Variants in NPAS3 observed in about 807,000 individuals in gnomAD.
NPAS3 encodes the protein neuronal PAS domain-containing protein 3.
NPAS3 carries 14 observed loss-of-function variants against 73.1 expected under a neutral mutation model. That is an observed-to-expected ratio of 0.19 (90% CI 0.13 to 0.30). The LOEUF is 0.30. Ranked by LOEUF, NPAS3 falls within the 10% of genes least tolerant of loss-of-function variation. NPAS3 has a pLI of 1.00. For missense variants in NPAS3, 1,096 were observed against 1,250.0 expected (o/e 0.88, Z 1.86); for synonymous variants, 620 against 541.5 (o/e 1.14, Z -2.01).
intron 2 of NPAS3, among the ~76,000 whole-genome samples, chr14:33,084,402 C>A (rs1480546538): frequency 6.6e-6 from 1 of 152,166 alleles, no homozygotes; most frequent in Non-Finnish European, 1.5e-5. Flanking sequence ...GGAAGGCTTG[C>A]ATATGAATGA....
chr14:33,330,130 C>G (rs2043914888), intron 3 of NPAS3, among the ~76,000 whole-genome samples: 1 of 151,952 alleles, frequency 6.6e-6, no homozygotes, highest in Admixed American at 6.6e-5. Flanking sequence ...GTAGTCCCAG[C>G]TATTCGAGAG....
chr14:33,794,870 A>G (rs1222733817), intron 10 of NPAS3, among the ~76,000 whole-genome samples: 2 of 152,278 alleles, frequency 1.3e-5, no homozygotes, highest in Admixed American at 6.5e-5. Flanking sequence ...CCAATCCTGC[A>G]CTTGGCCTGG....
intron 2 of NPAS3, among the ~76,000 whole-genome samples, chr14:33,211,786 A>G (rs2047046661): frequency 6.6e-6 from 1 of 152,206 alleles, no homozygotes; most frequent in Non-Finnish European, 1.5e-5. Context: ...TGAGGATGAT[A>G]ATGTAGTCAT....
At position 33,027,784 on chromosome 14, in the gene NPAS3, T is replaced by C. The variant is rs1370827249; in HGVS notation, c.51-28121T>C. Among the ~76,000 whole-genome samples, 7 of 152,300 alleles carry C rather than the reference T, an allele frequency of 4.6e-5. No homozygotes were observed. In the East Asian group the frequency reaches 1.4e-3, roughly 29 times the overall value. On this transcript the variant is annotated intron_variant, in intron 1 of 11. Transcript: ENST00000356141. The stretch of plus-strand genomic sequence containing the variant: ...GGCAGTAGATCTCCCAGAAGCAATA[T>C]ACATATTTTTAACAGTATGTGGGGA...
intron 3 of NPAS3, among the ~76,000 whole-genome samples, chr14:33,263,600 C>T (rs1386060785): frequency 2.0e-5 from 3 of 152,076 alleles, no homozygotes; most frequent in Non-Finnish European, 4.4e-5. Flanking sequence ...CTTGGCAATG[C>T]AGGCTCTTTT....
intron 4 of NPAS3, among the ~76,000 whole-genome samples, chr14:33,506,337 C>T (rs2052760352): frequency 6.6e-6 from 1 of 151,792 alleles, no homozygotes; most frequent in African/African-American, 2.4e-5. Context: ...GGTATCTTTC[C>T]TTAAAGGTAT....
intron 4 of NPAS3, among the ~76,000 whole-genome samples, chr14:33,514,685 C>T (rs960904573): frequency 3.9e-5 from 6 of 152,036 alleles, no homozygotes; most frequent in African/African-American, 7.2e-5. Flanking sequence ...ACTAAAAGAT[C>T]GTACTGTACC....
At chr14:33,145,419 C>T (rs1246716237) in intron 2 of NPAS3, among the ~76,000 whole-genome samples, 1 of 152,192 alleles carries the variant, frequency 6.6e-6, no homozygotes, top group Admixed American at 6.5e-5. Context: ...AACCTTTTTT[C>T]TCCTTTGCAA....
At chr14:33,208,938 G>A (rs1324645305) in intron 2 of NPAS3, among the ~76,000 whole-genome samples, 1 of 152,142 alleles carries the variant, frequency 6.6e-6, no homozygotes, top group Admixed American at 6.6e-5. Flanking sequence ...AGGGCAAAAT[G>A]TGCATCTATA....
At position 33,800,364 on chromosome 14, in the gene NPAS3, C is replaced by G; in HGVS notation, c.2057C>G (p.Pro686Arg). The change falls in exon 12 of 12, where the codon CCC (proline) becomes CGC (arginine). Residue 686 changes from proline to arginine, a missense_variant. Around this residue, in one of 5 missense-constraint regions of NPAS3, gnomAD observed 698 missense variants for 676.7 expected, o/e 1.03. Transcript: ENST00000356141. The surrounding 1 kb of genome is among the most constrained non-coding windows in gnomAD (Gnocchi z 6.5). Reference sequence around the variant, plus strand: ...TCCCCCTACAGCATGACCAAGCCCCCCAGCTCTGAGCACTTCCCGTCCCCG... The same window carrying G: ...TCCCCCTACAGCATGACCAAGCCCCGCAGCTCTGAGCACTTCCCGTCCCCG... The G allele has an allele frequency of 6.2e-7, 1 of 1,611,820 alleles. No individual in the cohort carries two copies. The highest frequency in any genetic ancestry group is 8.5e-7 in the Non-Finnish European group (1 of 1,179,204).
At chr14:33,350,344 A>G (rs1382543420) in intron 3 of NPAS3, among the ~76,000 whole-genome samples, 1 of 152,190 alleles carries the variant, frequency 6.6e-6, no homozygotes, top group East Asian at 1.9e-4. Flanking sequence ...TTTAAGAGTC[A>G]TGTTTATTTT....
chr14:33,437,246 C>A, intron 4 of NPAS3, among the ~76,000 whole-genome samples: 1 of 152,118 alleles, frequency 6.6e-6, no homozygotes, highest in East Asian at 1.9e-4. Flanking sequence ...ATCTCATCAG[C>A]AGTCTGATGA....
intron 3 of NPAS3, among the ~76,000 whole-genome samples, chr14:33,282,723 C>T (rs896153912): frequency 2.6e-5 from 4 of 152,070 alleles, no homozygotes; most frequent in African/African-American, 9.7e-5. Context: ...TAGCCTGGAG[C>T]GGGACTGAAT....
intron 4 of NPAS3, among the ~76,000 whole-genome samples, chr14:33,369,901 T>C (rs2046010957): frequency 6.6e-6 from 1 of 152,302 alleles, no homozygotes; most frequent in Middle Eastern, 3.4e-3. Flanking sequence ...TCAGTAAGGA[T>C]GAGATGGCTT....
intron 5 of NPAS3, among the ~76,000 whole-genome samples, chr14:33,675,284 G>T (rs2059728856): frequency 6.6e-6 from 1 of 152,168 alleles, no homozygotes; most frequent in Non-Finnish European, 1.5e-5. Context: ...AGCATTAGAG[G>T]AGTACAGAGG....
intron 3 of NPAS3, among the ~76,000 whole-genome samples, chr14:33,314,576 G>A (rs2043133974): frequency 6.6e-6 from 1 of 151,748 alleles, no homozygotes; most frequent in South Asian, 2.1e-4. Context: ...TGAATACATG[G>A]GAAAAAATAC....
intron 5 of NPAS3, among the ~76,000 whole-genome samples, chr14:33,620,535 TAG>T (rs1032005437): frequency 1.3e-5 from 2 of 152,160 alleles, no homozygotes; most frequent in African/African-American, 4.8e-5. Context: ...TATGCAAATA[TAG>T]AGAGAGACTG....
chr14:33,495,692 T>G (rs576949299), intron 4 of NPAS3, among the ~76,000 whole-genome samples: 1 of 152,240 alleles, frequency 6.6e-6, no homozygotes, highest in South Asian at 2.1e-4. Context: ...GATAGTTAGC[T>G]CTTCTTGTTG....
At chr14:33,780,547 C>CAA in intron 9 of NPAS3, 3 of 356,630 alleles carry the variant, frequency 8.4e-6, no homozygotes, top group South Asian at 4.4e-5. Context: ...CTGAGGCTGA[C>CAA]AAAAAAAAAA....
Sources: gnomAD v4.1 joint callset for allele counts (sites outside exome capture counted in the v4.1 genomes callset) on GRCh38, gnomAD v4.1.1 for gene constraint, gnomAD v4.1.1 regional missense constraint, Gnocchi (gnomAD v3.1) non-coding constraint, MANE v1.5 for transcripts, NCBI Gene and HGNC (gene_info 2026-07-23, HGNC 2026-07-21) for gene names.